Variants in ATP10A observed in about 807,000 individuals in gnomAD.
The protein encoded by ATP10A is phospholipid-transporting ATPase VA.
ATP10A carries 111 observed loss-of-function variants against 147.8 expected under a neutral mutation model. The ratio of observed to expected loss-of-function variants is 0.75; its 90% CI spans 0.64 to 0.88. The LOEUF (loss-of-function observed/expected upper bound fraction) is 0.88, where lower values mean the gene tolerates loss of function less well. Among genes scored for constraint, ATP10A ranks in the 40% least tolerant of loss-of-function variants. The probability of loss-of-function intolerance (pLI) is 0.00; values close to 1 mark genes in which losing one functional copy is unlikely to be tolerated. For missense variants in ATP10A, 1,927 were observed against 1,959.0 expected (o/e 0.98, Z 0.31); for synonymous variants, 875 against 841.6 (o/e 1.04, Z -0.69).
intron 5 of ATP10A, 36 bp downstream of exon 5, chr15:25,725,915 G>T (rs767943140): frequency 3.2e-6 from 5 of 1,583,574 alleles, no homozygotes; most frequent in Non-Finnish European, 4.3e-6. Flanking sequence ...ACTGCGCCTG[G>T]CCCCCACTCA....
intron 8 of ATP10A, 39 bp downstream of exon 8, chr15:25,718,143 G>A (rs776166385): frequency 6.3e-7 from 1 of 1,587,560 alleles, no homozygotes; most frequent in Non-Finnish European, 8.6e-7. Flanking sequence ...ATGGGGAAGA[G>A]ACGTGGCAGC....
intron 1 of ATP10A, among the ~76,000 whole-genome samples, chr15:25,839,857 C>T (rs1304770056): frequency 2.0e-5 from 3 of 152,132 alleles, no homozygotes; most frequent in Non-Finnish European, 2.9e-5. Flanking sequence ...AAATCAAAAC[C>T]GGGAAATTGG....
rs571048963 is a variant in ATP10A at position 25,756,622 on chromosome 15, C to G, written c.655-20481G>C. On this transcript the variant is annotated intron_variant, in intron 2 of 20. Coordinates refer to ENST00000555815, the MANE Select transcript of ATP10A (RefSeq NM_024490.4). ...CCTACCACTGCACTCCAGCCTGGGC[C>G]ACAGAGCAAGACTCCATCTCAAATA... Among the ~76,000 whole-genome samples, 258 of 149,794 alleles carry G rather than the reference C, an allele frequency of 1.7e-3. 1 individual carries two copies. Among genetic ancestry groups the G allele is most frequent in the Non-Finnish European group, 2.5e-3 (169 of 67,582 alleles).
chr15:25,703,126 GGCGGGC>G (rs1490390998), intron 12 of ATP10A, among the ~76,000 whole-genome samples: 2 of 152,234 alleles, frequency 1.3e-5, no homozygotes, highest in African/African-American at 2.4e-5. Context: ...GGGAGGCCGT[GGCGGGC>G]GGGTCACTTG....
At chr15:25,763,807 C>A (rs1384122766) in intron 2 of ATP10A, among the ~76,000 whole-genome samples, 1 of 152,092 alleles carries the variant, frequency 6.6e-6, no homozygotes, top group East Asian at 1.9e-4. Context: ...ATAAAGCATC[C>A]CTAAAATTAT....
chr15:25,675,284 C>T (rs1463038106), downstream of ATP10A, among the ~76,000 whole-genome samples: 3 of 152,186 alleles, frequency 2.0e-5, no homozygotes, highest in African/African-American at 4.8e-5. Context: ...CCATTCTAAG[C>T]GTCCTGTAAG....
At chr15:25,743,282 A>T (rs1887667904) in intron 2 of ATP10A, among the ~76,000 whole-genome samples, 1 of 152,218 alleles carries the variant, frequency 6.6e-6, no homozygotes, top group Non-Finnish European at 1.5e-5. Flanking sequence ...GGCAACAGAA[A>T]TGTGAAATTC....
At chr15:25,717,492 A>C (rs976572180) in intron 8 of ATP10A, among the ~76,000 whole-genome samples, 1 of 152,192 alleles carries the variant, frequency 6.6e-6, no homozygotes, top group Non-Finnish European at 1.5e-5. Context: ...CTGTCAGGAA[A>C]CCTTGTTCCA....
At chr15:25,779,952 C>T (rs1437549743) in intron 2 of ATP10A, among the ~76,000 whole-genome samples, 1 of 152,056 alleles carries the variant, frequency 6.6e-6, no homozygotes, top group African/African-American at 2.4e-5. Context: ...CTGCCGCAGG[C>T]AGGCCGGGCG....
At position 25,781,009 on chromosome 15, in the gene ATP10A, G is replaced by T. The variant is rs199887256; in HGVS notation, c.654+10C>A. ...ATGCCTGCAAGGCCCTGGAAACGTG[G>T]GTCACTTACAAGCTCCGAGAAGCCG... On this transcript the variant is annotated intron_variant, in intron 2 of 20. Coordinates refer to ENST00000555815, the MANE Select transcript of ATP10A (RefSeq NM_024490.4). The T allele has an allele frequency of 6.2e-7, 1 of 1,613,004 alleles. No individual in the cohort carries two copies. Among genetic ancestry groups the T allele is most frequent in the African/African-American group, 1.3e-5 (1 of 74,992 alleles).
chr15:25,698,489 T>C (rs542034254), intron 13 of ATP10A, among the ~76,000 whole-genome samples: 3 of 151,926 alleles, frequency 2.0e-5, no homozygotes, highest in South Asian at 2.1e-4. Context: ...ACATACAATA[T>C]ACAGAATAGG....
chr15:25,677,310 ATAC>A (rs1317623003), downstream of ATP10A: 1 of 152,134 alleles, frequency 6.6e-6, no homozygotes, highest in Admixed American at 6.5e-5. Context: ...GATTTCCATA[ATAC>A]TCCCCATCCT....
intron 2 of ATP10A, among the ~76,000 whole-genome samples, chr15:25,743,685 C>T (rs993344174): frequency 6.6e-6 from 1 of 152,168 alleles, no homozygotes; most frequent in Non-Finnish European, 1.5e-5. Flanking sequence ...TTTGTTGTCT[C>T]GCAGTCCTGG....
intron 2 of ATP10A, among the ~76,000 whole-genome samples, chr15:25,767,030 G>A (rs1889062412): frequency 6.6e-6 from 1 of 151,982 alleles, no homozygotes; most frequent in Non-Finnish European, 1.5e-5. Context: ...TTTCTTTGAA[G>A]AGGGCTGCTC....
intron 1 of ATP10A, among the ~76,000 whole-genome samples, chr15:25,783,273 CCCAT>C (rs1890012144): frequency 6.6e-6 from 1 of 152,190 alleles, no homozygotes; most frequent in Admixed American, 6.5e-5. Flanking sequence ...TACTAATCCT[CCCAT>C]CCTACACCCC....
chr15:25,816,599 TA>T (rs1329751435), intron 1 of ATP10A, among the ~76,000 whole-genome samples: 2 of 152,172 alleles, frequency 1.3e-5, no homozygotes, highest in African/African-American at 4.8e-5. Flanking sequence ...CATACCTCTT[TA>T]AAAAGTAACA....
At chr15:25,817,660 A>G (rs1891721230) in intron 1 of ATP10A, among the ~76,000 whole-genome samples, 1 of 152,208 alleles carries the variant, frequency 6.6e-6, no homozygotes. Context: ...TACTCTGATT[A>G]TAGCTGGGAG....
intron 1 of ATP10A, 40 bp from the exon 2 acceptor site, chr15:25,781,263 T>A (rs375070902): frequency 1.3e-6 from 2 of 1,543,788 alleles, no homozygotes; most frequent in African/African-American, 2.7e-5. Flanking sequence ...CACGAGACAT[T>A]GGTCGTGGCT....
chr15:25,786,346 G>A (rs957101619), intron 1 of ATP10A, among the ~76,000 whole-genome samples: 17 of 152,162 alleles, frequency 1.1e-4, no homozygotes, highest in African/African-American at 3.4e-4. Flanking sequence ...ATGTGTGCCC[G>A]TCACCACCGC....
Sources: allele counts gnomAD v4.1 joint callset (sites outside exome capture counted in the v4.1 genomes callset), GRCh38; gene constraint gnomAD v4.1.1; transcripts MANE v1.5; gene names NCBI Gene and HGNC (gene_info 2026-07-23, HGNC 2026-07-21).